USP4: variants seen among roughly 807,000 people sequenced by gnomAD.
The protein encoded by USP4 is ubiquitin carboxyl-terminal hydrolase 4.
Under a neutral mutation model 118.2 loss-of-function variants are expected in USP4, and 72 were observed. That is an observed-to-expected ratio of 0.61 (90% CI 0.50 to 0.74). The LOEUF (loss-of-function observed/expected upper bound fraction) is 0.74. USP4 is among the 30% of genes least tolerant of loss of function. The pLI is 0.00. For missense variants in USP4, 1,037 were observed against 1,185.7 expected, an observed-to-expected ratio of 0.87 and a Z score of 1.84; for synonymous variants, 415 against 440.4, an observed-to-expected ratio of 0.94 and a Z score of 0.72.
intron 6 of USP4, among the ~76,000 whole-genome samples, chr3:49,322,521 A>C (rs1210130803): frequency 1.3e-5 from 2 of 152,044 alleles, no homozygotes; most frequent in South Asian, 4.1e-4. Context: ...TTTTTTTACT[A>C]GTGTTGCCTG....
intron 11 of USP4, among the ~76,000 whole-genome samples, chr3:49,299,406 T>C (rs1575606710): frequency 7.0e-6 from 1 of 143,492 alleles, no homozygotes. Flanking sequence ...CTTTTTTTTT[T>C]TTTTGAGACG....
intron 4 of USP4, 50 bp from the exon 5 acceptor site, chr3:49,325,089 A>G (rs761656113): frequency 6.3e-7 from 1 of 1,590,204 alleles, no homozygotes; most frequent in Non-Finnish European, 8.5e-7. Flanking sequence ...ATGCAAGGCT[A>G]AAGACAGCCA....
In USP4 at chr3:49,278,269, G is replaced by T; in HGVS notation, c.*24C>A. The T allele has an allele frequency of 1.2e-6, 2 of 1,609,888 alleles. No individual in the cohort carries two copies. The highest frequency in any genetic ancestry group is 1.7e-6 in the Non-Finnish European group (2 of 1,178,558). ...CTGGGGGATTACACTGGCGCTACAGGGTGGCAGGATCGTGGAGTCAGCATT... is the reference window on the plus strand; with the variant it reads ...CTGGGGGATTACACTGGCGCTACAGTGTGGCAGGATCGTGGAGTCAGCATT... On this transcript the variant is annotated 3_prime_UTR_variant, in exon 22 of 22. Transcript: ENST00000265560.
chr3:49,297,785 T>A (rs2047224772), intron 13 of USP4, 85 bp downstream of exon 13: 2 of 1,167,708 alleles, frequency 1.7e-6, no homozygotes, highest in African/African-American at 3.0e-5. Flanking sequence ...ACTGCCCACA[T>A]TTTTGTTCTG....
chr3:49,312,768 TA>T, intron 6 of USP4: 1 of 204,276 alleles, frequency 4.9e-6, no homozygotes, highest in Non-Finnish European at 1.0e-5. Flanking sequence ...CACTCCAGCC[TA>T]GGTGACAGAG....
chr3:49,286,314 C>T lies in USP4; in HGVS notation c.1984G>A (p.Glu662Lys), dbSNP rs748763135. 1 of 1,614,102 alleles carries T rather than the reference C, an allele frequency of 6.2e-7. No homozygotes were observed. Among genetic ancestry groups the T allele is most frequent in the South Asian group, 1.1e-5 (1 of 91,080 alleles). ...CCTTCTTCCTGATGCTCCATTTCTT[C>T]CTCATCTTCTCCTGGCACATAAATG... ...SRNSCEGEDE[E>K]EMEHQEEGKE... The change falls in exon 16 of 22, where the codon GAA becomes AAA. Residue 662 changes from glutamate to lysine, a missense_variant. Physicochemically the swap from Glu to Lys is moderately conservative, Grantham distance 56 (BLOSUM62 1). Transcript: ENST00000265560.
chr3:49,284,880 C>T lies in USP4; in HGVS notation c.2240G>A (p.Arg747Gln), dbSNP rs768056742. The T allele has an allele frequency of 2.0e-5, 32 of 1,613,414 alleles. No homozygotes were observed. The Admixed American group carries it at 2.5e-4, about 13-fold the overall frequency. The change falls in exon 17 of 22, where the codon CGG (arginine) becomes CAG (glutamine). Residue 747 changes from arginine to glutamine, a missense_variant. Arg to Gln is a conservative substitution (Grantham distance 43). Transcript: ENST00000265560. ...TTCTTGCTCATCATAGTAAAGTCTC[C>T]GAGTTTCACTGTCCCAATCCATGGC... Reference protein sequence around the residue: ...TLAMDWDSETRRLYYDEQESE... With the variant: ...TLAMDWDSETQRLYYDEQESE...
intron 6 of USP4, chr3:49,313,818 T>C (rs551564919): frequency 7.2e-5 from 11 of 152,336 alleles, no homozygotes; most frequent in Middle Eastern, 3.4e-3. Flanking sequence ...CTAGAATCTA[T>C]ATAAGGACAT....
intron 11 of USP4, among the ~76,000 whole-genome samples, chr3:49,300,216 A>G (rs2047250397): frequency 1.3e-5 from 2 of 152,074 alleles, no homozygotes; most frequent in Admixed American, 6.6e-5. Context: ...ACTTCACTCC[A>G]GCATGGGCAA....
In USP4 at chr3:49,339,964, C is replaced by G. The variant is rs917195555; in HGVS notation, c.61G>C (p.Gly21Arg). The G allele has an allele frequency of 8.7e-6, 14 of 1,613,044 alleles. No homozygotes were observed. The African/African-American group carries it at 1.7e-4, about 20-fold the overall frequency. ...PDAETQKSELGPLMRTTLQRG... is the reference protein window; with the variant it reads ...PDAETQKSELRPLMRTTLQRG... ...TGGAGTGTGGTCCTCATTAAGGGTC[C>G]AAGCTCGGACTTCTGAGTCTCCGCA... Residue 21 changes from glycine to arginine, a missense_variant, in exon 1 of 22, where the codon GGA becomes CGA. By Grantham distance (125) the Gly-to-Arg change is moderately radical (BLOSUM62 -2). This residue lies in a region of USP4 where 487 missense variants were observed against 534.1 expected (regional missense o/e 0.91). Coordinates refer to ENST00000265560, the MANE Select transcript of USP4 (RefSeq NM_003363.4).
chr3:49,329,170 C>T (rs917341551), intron 2 of USP4, among the ~76,000 whole-genome samples: 2 of 151,940 alleles, frequency 1.3e-5, no homozygotes, highest in African/African-American at 4.8e-5. Flanking sequence ...CAGCGAAACT[C>T]CATCTCAAAA....
In USP4 at chr3:49,305,844, A is replaced by G; in HGVS notation, c.999T>C (p.Asp333=). Reference sequence around the variant, plus strand: ...CTCTGTTGATTTCGGCTTCATACTCATCTTTGAGAAAGTAGTCAGTCAGTG... The same window carrying G: ...CTCTGTTGATTTCGGCTTCATACTCGTCTTTGAGAAAGTAGTCAGTCAGTG... The part of the protein sequence containing the change: ...TAPLTDYFLK[D]EYEAEINRDN... Residue 333 remains aspartate (D), a synonymous_variant, in exon 9 of 22, where the codon GAT becomes GAC. Coordinates refer to ENST00000265560, the MANE Select transcript of USP4 (RefSeq NM_003363.4). The G allele has an allele frequency of 6.2e-7, 1 of 1,614,012 alleles. No homozygotes were observed. Among genetic ancestry groups the G allele is most frequent in the South Asian group, 1.1e-5 (1 of 91,048 alleles).
intron 19 of USP4, among the ~76,000 whole-genome samples, chr3:49,282,717 CT>C (rs1279499477): frequency 1.3e-5 from 2 of 149,198 alleles, no homozygotes; most frequent in African/African-American, 4.9e-5. Context: ...TTTTTTTTTT[CT>C]TTTTTTGGAA....
chr3:49,283,847 G>A (rs1228275877), intron 19 of USP4, 140 bp downstream of exon 19: 5 of 972,700 alleles, frequency 5.1e-6, no homozygotes, highest in Admixed American at 2.4e-5. Flanking sequence ...GGTAACTACA[G>A]CTAAACTCTG....
chr3:49,327,297 G>C lies in USP4; in HGVS notation c.360+389C>G, dbSNP rs1372838444. On this transcript the variant is annotated intron_variant, in intron 3 of 21. Coordinates refer to ENST00000265560, the MANE Select transcript of USP4 (RefSeq NM_003363.4). ...TCACGCCTGTAATCCCACCACTTTG[G>C]GGGGCCGAGTCGGGCGGATCACAAG... 2.0e-5 allele frequency among the ~76,000 whole-genome samples: 3 copies of C among 152,082 alleles called. 1 individual carries two copies. The highest frequency in any genetic ancestry group is 1.3e-4 in the Admixed American group (2 of 15,248).
intron 9 of USP4, 101 bp from the exon 10 acceptor site, chr3:49,302,643 C>CT: frequency 8.4e-7 from 1 of 1,197,152 alleles, no homozygotes; most frequent in Non-Finnish European, 1.2e-6. Context: ...TTAGCTGGGG[C>CT]AGTGAGAGAG....
Position 49,286,120 on chromosome 3 carries a change from A to G in USP4, c.2178T>C (p.Asp726=), listed in dbSNP as rs956921077. ...TACAGTTGAGTTTAAGTAGTTTTCC[A>G]TCAGCTGCAAGTGAATTTATGTCAG... ...GTADINSLAA[D]GKLLKLNSRS... The change falls in exon 16 of 22, where the codon GAT becomes GAC. Residue 726 remains aspartate, a synonymous_variant. Coordinates refer to ENST00000265560, the MANE Select transcript of USP4 (RefSeq NM_003363.4). 15 of 1,614,100 alleles carry G rather than the reference A, an allele frequency of 9.3e-6. No individual in the cohort carries two copies. In the Admixed American group the frequency reaches 1.8e-4, roughly 20 times the overall value.
At chr3:49,327,663 G>C (rs2047570742) in intron 3 of USP4, 23 bp downstream of exon 3, 11 of 1,613,682 alleles carry the variant, frequency 6.8e-6, no homozygotes, top group Non-Finnish European at 9.3e-6. Flanking sequence ...TGACCAGCAG[G>C]TGGGACAATT....
At chr3:49,309,462 T>C (rs1336234494) in intron 8 of USP4, among the ~76,000 whole-genome samples, 1 of 152,084 alleles carries the variant, frequency 6.6e-6, no homozygotes. Flanking sequence ...CTCGCTATGA[T>C]GCTCAGGCTG....
Sources: allele counts gnomAD v4.1 joint callset (sites outside exome capture counted in the v4.1 genomes callset), GRCh38; gene constraint gnomAD v4.1.1; regional missense constraint gnomAD v4.1.1; transcripts MANE v1.5; gene names NCBI Gene and HGNC (gene_info 2026-07-23, HGNC 2026-07-21).